Variants in SLC24A4 observed in about 807,000 individuals in gnomAD.
SLC24A4 encodes solute carrier family 24 member 4, also known as sodium/potassium/calcium exchanger 4.
SLC24A4 carries 53 observed loss-of-function variants against 79.0 expected under a neutral mutation model. That is an observed-to-expected ratio of 0.67 (90% CI 0.54 to 0.84). The LOEUF (loss-of-function observed/expected upper bound fraction) is 0.84. SLC24A4 is among the 40% of genes least tolerant of loss of function. SLC24A4 has a pLI of 0.00. For synonymous variants in SLC24A4, 323 were observed against 323.8 expected, an observed-to-expected ratio of 1.00 and a Z score of 0.03; for missense variants, 731 against 822.0, an observed-to-expected ratio of 0.89 and a Z score of 1.35.
intron 12 of SLC24A4, among the ~76,000 whole-genome samples, chr14:92,480,450 C>T (rs1308258962): frequency 1.6e-4 from 24 of 148,816 alleles, no homozygotes; most frequent in Admixed American, 2.7e-4. Context: ...CCCGCCACCA[C>T]GCCCGGCTAA....
rs1027017768 is a variant in SLC24A4, at chr14:92,441,601, C to T, written c.394-488C>T. On this transcript the variant is annotated intron_variant, in intron 4 of 16. Coordinates refer to ENST00000532405, the MANE Select transcript of SLC24A4 (RefSeq NM_153646.4). This position sits in a 1 kb window ranked among gnomAD's most constrained non-coding sequence, Gnocchi z 4.6. The stretch of plus-strand genomic sequence containing the variant: ...GGGATGGTCACTAGACTAGTGTGTG[C>T]CTGTGGAGCACCACTCTGTGCCAGA... Among the ~76,000 whole-genome samples the T allele has an allele frequency of 6.6e-6, 1 of 152,192 alleles. No individual in the cohort carries two copies. Among genetic ancestry groups the T allele is most frequent in the African/African-American group, 2.4e-5 (1 of 41,446 alleles).
At chr14:92,403,557 G>A (rs1289868209) in intron 2 of SLC24A4, among the ~76,000 whole-genome samples, 2 of 149,440 alleles carry the variant, frequency 1.3e-5, no homozygotes, top group African/African-American at 2.5e-5. Context: ...GCAGTGAGCC[G>A]AGATTGCACC....
chr14:92,396,844 T>C (rs1176755240), intron 2 of SLC24A4, among the ~76,000 whole-genome samples: 1 of 152,136 alleles, frequency 6.6e-6, no homozygotes, highest in African/African-American at 2.4e-5. Context: ...TTGAAGCTCC[T>C]TGTCACCTGC....
At chr14:92,366,805 T>C (rs768061619) in intron 2 of SLC24A4, among the ~76,000 whole-genome samples, 3 of 152,200 alleles carry the variant, frequency 2.0e-5, no homozygotes, top group Non-Finnish European at 4.4e-5. Flanking sequence ...GTGTTTTCTT[T>C]TTAGATTTTT....
chr14:92,421,452 ATG>A (rs1433605953), intron 2 of SLC24A4, among the ~76,000 whole-genome samples: 3 of 151,994 alleles, frequency 2.0e-5, no homozygotes, highest in African/African-American at 7.3e-5. Flanking sequence ...CACCATATAA[ATG>A]AGATCATACC....
At chr14:92,487,108 A>G (rs185398417) in intron 14 of SLC24A4, among the ~76,000 whole-genome samples, 9 of 152,380 alleles carry the variant, frequency 5.9e-5, no homozygotes, top group Non-Finnish European at 1.2e-4. Flanking sequence ...GCTAATAACA[A>G]GAAACATTCT....
chr14:92,487,301 G>A (rs2139935797), intron 14 of SLC24A4, among the ~76,000 whole-genome samples: 1 of 152,344 alleles, frequency 6.6e-6, no homozygotes, highest in African/African-American at 2.4e-5. Flanking sequence ...CAAAAGAGCT[G>A]TAACAAGTGC....
At chr14:92,413,257 G>A (rs1225682480) in intron 2 of SLC24A4, among the ~76,000 whole-genome samples, 2 of 152,080 alleles carry the variant, frequency 1.3e-5, no homozygotes, top group Non-Finnish European at 2.9e-5. Context: ...CCAATCCCAT[G>A]TTCCAGTCTT....
At chr14:92,408,347 AT>A in intron 2 of SLC24A4, 1 of 980,864 alleles carries the variant, frequency 1.0e-6, no homozygotes, top group Non-Finnish European at 1.2e-6. Flanking sequence ...GGCTTACTTC[AT>A]TATTTACTTG....
intron 13 of SLC24A4, among the ~76,000 whole-genome samples, chr14:92,485,073 G>A (rs1895279750): frequency 1.3e-5 from 2 of 152,198 alleles, no homozygotes; most frequent in African/African-American, 4.8e-5. Context: ...ATGAGATGCA[G>A]CAGTGCTGTT....
intron 2 of SLC24A4, among the ~76,000 whole-genome samples, chr14:92,345,350 C>T (rs1216811421): frequency 6.6e-6 from 1 of 152,192 alleles, no homozygotes; most frequent in East Asian, 1.9e-4. Flanking sequence ...CTGTCTGTAG[C>T]ATGGTGATGA....
At chr14:92,425,256 T>C (rs1325280176) in intron 2 of SLC24A4, among the ~76,000 whole-genome samples, 1 of 152,232 alleles carries the variant, frequency 6.6e-6, no homozygotes, top group African/African-American at 2.4e-5. Flanking sequence ...TAAATTTCCA[T>C]TGTTGATGAC....
chr14:92,443,845 G>C (rs1005170399), intron 7 of SLC24A4, among the ~76,000 whole-genome samples: 1 of 152,168 alleles, frequency 6.6e-6, no homozygotes, highest in Non-Finnish European at 1.5e-5. Context: ...GCAGGGCTGC[G>C]CTTGCAGGGT....
At chr14:92,383,951 G>A (rs890867370) in intron 2 of SLC24A4, among the ~76,000 whole-genome samples, 1 of 152,216 alleles carries the variant, frequency 6.6e-6, no homozygotes, top group Admixed American at 6.5e-5. Context: ...TGCTTTCAGC[G>A]GAGCAGAGCG....
intron 2 of SLC24A4, among the ~76,000 whole-genome samples, chr14:92,329,249 G>A (rs756632835): frequency 5.3e-5 from 8 of 152,226 alleles, no homozygotes; most frequent in Non-Finnish European, 8.8e-5. Flanking sequence ...TCCCACAAAC[G>A]TGAGCCCACA....
At chr14:92,455,323 G>T (rs1380680255) in intron 11 of SLC24A4, among the ~76,000 whole-genome samples, 1 of 152,206 alleles carries the variant, frequency 6.6e-6, no homozygotes, top group Non-Finnish European at 1.5e-5. Context: ...GTGCATAGCT[G>T]CAGTCTTCAT....
Position 92,439,359 on chromosome 14 carries a change from G to A in SLC24A4, c.343G>A (p.Ala115Thr), listed in dbSNP as rs1011116896. The change falls in exon 4 of 17, where the codon GCC becomes ACC. Residue 115 changes from alanine (A) to threonine (T), a missense_variant. Physicochemically the swap from Ala to Thr is moderately conservative, Grantham distance 58. Transcript: ENST00000532405. ...GGCTCTGTATATGTTCTATGCCTTGGCCATAGTGTGCGATGACTTCTTTGT... is the reference window on the plus strand; with the variant it reads ...GGCTCTGTATATGTTCTATGCCTTGACCATAGTGTGCGATGACTTCTTTGT... ...LGALYMFYAL[A>T]IVCDDFFVPS... 1.9e-6 allele frequency: 3 copies of A among 1,613,078 alleles called. No individual in the cohort carries two copies. The highest frequency in any genetic ancestry group is 2.5e-6 in the Non-Finnish European group (3 of 1,179,180).
intron 13 of SLC24A4, chr14:92,483,940 A>C: frequency 4.8e-6 from 6 of 1,250,114 alleles, no homozygotes; most frequent in Non-Finnish European, 6.2e-6. Flanking sequence ...CCTTTCCCTT[A>C]ACTCCAGAGA....
At chr14:92,369,083 A>G (rs1270964602) in intron 2 of SLC24A4, among the ~76,000 whole-genome samples, 2 of 152,228 alleles carry the variant, frequency 1.3e-5, no homozygotes, top group South Asian at 2.1e-4. Flanking sequence ...TCACCCCACA[A>G]TGAGGCCGTC....
Sources: allele counts gnomAD v4.1 joint callset (sites outside exome capture counted in the v4.1 genomes callset), GRCh38; gene constraint gnomAD v4.1.1; non-coding constraint Gnocchi (gnomAD v3.1); transcripts MANE v1.5; gene names NCBI Gene and HGNC (gene_info 2026-07-23, HGNC 2026-07-21).